HNRNPD: variants seen among roughly 807,000 people sequenced by gnomAD.
HNRNPD encodes the protein heterogeneous nuclear ribonucleoprotein D0.
A neutral mutation model predicts 47.9 loss-of-function variants in HNRNPD; 3 were observed. The observed-to-expected ratio is 0.06, with a 90% CI of 0.03 to 0.16. The LOEUF is 0.16. Ranked by LOEUF, HNRNPD falls within the 10% of genes least tolerant of loss-of-function variation. The pLI is 1.00. For missense variants in HNRNPD, 287 were observed against 454.2 expected (o/e 0.63, Z 3.35); for synonymous variants, 171 against 165.1 (o/e 1.04, Z -0.28).
intron 2 of HNRNPD, among the ~76,000 whole-genome samples, chr4:82,368,206 G>A (rs924948614): frequency 2.6e-4 from 39 of 152,126 alleles, no homozygotes; most frequent in African/African-American, 8.7e-4. Context: ...TGACTTGAAG[G>A]CTAAAACTAA....
At chr4:82,361,328 G>A (rs989020091) in intron 2 of HNRNPD, among the ~76,000 whole-genome samples, 1 of 152,128 alleles carries the variant, frequency 6.6e-6, no homozygotes, top group African/African-American at 2.4e-5. Context: ...GTAAAGGTGA[G>A]TACACTATAT....
intron 1 of HNRNPD, chr4:82,373,202 G>A (rs903762260): frequency 1.3e-5 from 9 of 696,588 alleles, no homozygotes; most frequent in East Asian, 5.7e-5. Context: ...GCGGGCCGAG[G>A]AGCAGCATGG....
chr4:82,370,981 T>TATACACATATACACACACACAC (rs142474751), intron 2 of HNRNPD, among the ~76,000 whole-genome samples: 3 of 149,354 alleles, frequency 2.0e-5, no homozygotes, highest in Non-Finnish European at 3.0e-5. Flanking sequence ...GGTATATATA[T>TATACACATATACACACACACAC]ACACACACAC....
At chr4:82,360,708 A>G (rs1287531819) in intron 2 of HNRNPD, among the ~76,000 whole-genome samples, 1 of 152,122 alleles carries the variant, frequency 6.6e-6, no homozygotes, top group African/African-American at 2.4e-5. Flanking sequence ...CTCTATAAAG[A>G]AATTAAAGGC....
In HNRNPD at chr4:82,356,872, C is replaced by T. The variant is rs760389308; in HGVS notation, c.777G>A (p.Ser259=). The T allele has an allele frequency of 3.5e-5, 56 of 1,613,744 alleles. No individual in the cohort carries two copies. Among genetic ancestry groups the T allele is most frequent in the Non-Finnish European group, 4.2e-5 (50 of 1,179,790 alleles). The change falls in exon 6 of 9, where the codon TCG becomes TCA. Residue 259 remains serine (S), a synonymous_variant. Coordinates refer to ENST00000313899, the MANE Select transcript of HNRNPD (RefSeq NM_031370.3). ...LSKCEIKVAM[S]KEQYQQQQQW... The stretch of plus-strand genomic sequence containing the variant: ...GTTGCTGTTGCTGATATTGTTCCTT[C>T]GACATGGCTACTTTTATTTCACACT...
chr4:82,364,687 T>C (rs1456175301), intron 2 of HNRNPD, among the ~76,000 whole-genome samples: 1 of 152,218 alleles, frequency 6.6e-6, no homozygotes, highest in East Asian at 1.9e-4. Flanking sequence ...AATTAGGTGG[T>C]ATTTCAACTA....
In HNRNPD at chr4:82,368,706, C is replaced by T. The variant is rs562370469; in HGVS notation, c.290+2822G>A. 9.8e-5 allele frequency among the ~76,000 whole-genome samples: 15 copies of T among 152,296 alleles called. No individual in the cohort carries two copies. The South Asian group carries it at 2.7e-3, about 27-fold the overall frequency. Reference sequence around the variant, plus strand: ...ACTTTACTACATACAGTAAACCCAACTGTACTGAATCAAAGGCCAGTAAAT... The same window carrying T: ...ACTTTACTACATACAGTAAACCCAATTGTACTGAATCAAAGGCCAGTAAAT... On this transcript the variant is annotated intron_variant, in intron 2 of 8. Transcript: ENST00000313899.
intron 2 of HNRNPD, among the ~76,000 whole-genome samples, chr4:82,370,985 C>T (rs868038556): frequency 1.7e-4 from 26 of 150,842 alleles, no homozygotes; most frequent in African/African-American, 4.2e-4. Context: ...TATATATACA[C>T]ACACACACAC....
intron 3 of HNRNPD, among the ~76,000 whole-genome samples, chr4:82,359,198 T>C (rs1401203214): frequency 6.6e-6 from 1 of 152,186 alleles, no homozygotes; most frequent in African/African-American, 2.4e-5. Context: ...TGGACTTCTG[T>C]GAATTGCTAA....
chr4:82,369,926 T>C (rs969296694), intron 2 of HNRNPD, among the ~76,000 whole-genome samples: 6 of 152,206 alleles, frequency 3.9e-5, no homozygotes, highest in Admixed American at 3.3e-4. Flanking sequence ...GCGGATCACC[T>C]GAGGTCGGGA....
In HNRNPD at chr4:82,361,663, AAATT is replaced by A. The variant is rs376463179; in HGVS notation, c.291-2028_291-2025del. On this transcript the variant is annotated intron_variant, in intron 2 of 8. Coordinates refer to ENST00000313899, the MANE Select transcript of HNRNPD (RefSeq NM_031370.3). Reference sequence around the variant, plus strand: ...ATATTGGGAAAATACCCTTAATTTAAAATTATTAAGAAACAGAAAACAATTACAA... The same window carrying A: ...ATATTGGGAAAATACCCTTAATTTAAATTAAGAAACAGAAAACAATTACAA... Among the ~76,000 whole-genome samples the A allele has an allele frequency of 2.1e-4, 32 of 152,354 alleles. No individual in the cohort carries two copies. In the East Asian group the frequency reaches 6.2e-3, roughly 29 times the overall value.
At chr4:82,373,200 A>C (rs1169026903) in intron 1 of HNRNPD, 1 of 691,686 alleles carries the variant, frequency 1.4e-6, no homozygotes, top group African/African-American at 1.8e-5. Context: ...GGGCGGGCCG[A>C]GGAGCAGCAT....
At position 82,352,823 on chromosome 4, in the gene HNRNPD, C is replaced by G. The variant is rs1422350764; in HGVS notation, c.*1362G>C. The G allele has an allele frequency of 6.6e-6, 1 of 152,160 alleles. No homozygotes were observed. The highest frequency in any genetic ancestry group is 2.4e-5 in the African/African-American group (1 of 41,432). 9.4% of individuals were successfully genotyped at this position (152,160 alleles called of 1,614,324 possible). A position where few individuals can be genotyped will look rare whatever the true frequency, so the allele number is the denominator to read the frequency against. ...AAAACTTTAATAACACTAACTTTTG[C>G]TCATTAAAATGTTTGCTTAGTTGGA... On this transcript the variant is annotated 3_prime_UTR_variant, in exon 9 of 9. Transcript: ENST00000313899.
rs547976026 is a variant in HNRNPD, at chr4:82,358,818, G to A, written c.462C>T (p.Val154=). Residue 154 remains valine, a splice_region_variant and synonymous_variant, in exon 4 of 9, where the codon GTC becomes GTT. Coordinates refer to ENST00000313899, the MANE Select transcript of HNRNPD (RefSeq NM_031370.3). ...TCAATTTATGTTCTTTTTGATCCATGACCTAAGGAAATTGAAGTTTTCATT... is the reference window on the plus strand; with the variant it reads ...TCAATTTATGTTCTTTTTGATCCATAACCTAAGGAAATTGAAGTTTTCATT... ...LFKESESVDK[V]MDQKEHKLNG... is the part of the protein sequence containing the mutation. 2.8e-5 allele frequency: 44 copies of A among 1,584,590 alleles called. No individual in the cohort carries two copies. Among genetic ancestry groups the A allele is most frequent in the African/African-American group, 1.8e-4 (13 of 72,898 alleles).
At chr4:82,362,072 GATT>G (rs1160691170) in intron 2 of HNRNPD, among the ~76,000 whole-genome samples, 1 of 152,098 alleles carries the variant, frequency 6.6e-6, no homozygotes, top group Non-Finnish European at 1.5e-5. Flanking sequence ...TTTGAAATGA[GATT>G]TTTTTCTAAC....
rs948521583 is a variant in HNRNPD, at chr4:82,371,733, CAG to C, written c.234-151_234-150del. 16 of 594,948 alleles carry C rather than the reference CAG, an allele frequency of 2.7e-5. No individual in the cohort carries two copies. The Admixed American group carries it at 4.5e-4, about 17-fold the overall frequency. The allele number at this position is 594,948 out of a possible 1,614,324, so 36.9% of individuals were successfully genotyped here. ...TTGCGATTTGAATTATCAGGGCTAACAGAAAGCCTGCCCCAAACAGGAAGTTA... is the reference window on the plus strand; with the variant it reads ...TTGCGATTTGAATTATCAGGGCTAACAAAGCCTGCCCCAAACAGGAAGTTA... On this transcript the variant is annotated intron_variant, in intron 1 of 8. Coordinates refer to ENST00000313899, the MANE Select transcript of HNRNPD (RefSeq NM_031370.3).
In HNRNPD at chr4:82,373,926, G is replaced by C. The variant is rs1484968085; in HGVS notation, c.-248C>G. On this transcript the variant is annotated 5_prime_UTR_variant, in exon 1 of 9. Coordinates refer to ENST00000313899, the MANE Select transcript of HNRNPD (RefSeq NM_031370.3). ...CTGCACTAAAAAAGAATAAGCACCA[G>C]CGGCGGCCGCTCTCGCCTCCTCCTC... is the stretch of plus-strand genomic sequence containing the variant. The C allele has an allele frequency of 2.2e-6, 2 of 921,334 alleles. No homozygotes were observed. The highest frequency in any genetic ancestry group is 3.0e-6 in the Non-Finnish European group (2 of 658,470). 57.1% of individuals were successfully genotyped at this position (921,334 alleles called of 1,614,324 possible). A position where few individuals can be genotyped will look rare whatever the true frequency, so the allele number is the denominator to read the frequency against.
intron 5 of HNRNPD, 128 bp downstream of exon 5, chr4:82,357,185 C>G (rs1723748165): frequency 9.0e-7 from 1 of 1,109,302 alleles, no homozygotes; most frequent in Non-Finnish European, 1.3e-6. Context: ...AAAAGTTGGT[C>G]AATGGTAAGT....
chr4:82,372,840 T>C (rs114878012), intron 1 of HNRNPD, among the ~76,000 whole-genome samples: 1,867 of 152,324 alleles, frequency 0.012, 23 homozygotes, highest in Non-Finnish European at 0.016. Context: ...CATTGTGCGA[T>C]AGCGTATGGT....
Sources: gnomAD v4.1 joint callset for allele counts (sites outside exome capture counted in the v4.1 genomes callset) on GRCh38, gnomAD v4.1.1 for gene constraint, MANE v1.5 for transcripts, NCBI Gene and HGNC (gene_info 2026-07-23, HGNC 2026-07-21) for gene names.